B3GALT1: variants seen among roughly 807,000 people sequenced by gnomAD.
The protein encoded by B3GALT1 is UDP-Gal:betaGlcNAc beta 1,3-galactosyltransferase, polypeptide 1.
B3GALT1 carries 10 observed loss-of-function variants against 23.2 expected under a neutral mutation model. The ratio of observed to expected loss-of-function variants is 0.43; its 90% CI spans 0.27 to 0.73. The LOEUF is 0.73. B3GALT1 is among the 30% of genes least tolerant of loss of function. The pLI is 0.21. For missense variants in B3GALT1, 299 were observed against 405.4 expected (o/e 0.74, Z 2.25); for synonymous variants, 156 against 141.5 (o/e 1.10, Z -0.73).
intron 3 of B3GALT1, among the ~76,000 whole-genome samples, chr2:167,742,683 AG>A (rs770239843): frequency 6.6e-6 from 1 of 152,162 alleles, no homozygotes; most frequent in Non-Finnish European, 1.5e-5. Context: ...TTTAAGTATG[AG>A]CACAGAAATG....
chr2:167,756,169 C>G (rs568627390), intron 3 of B3GALT1, among the ~76,000 whole-genome samples: 2 of 152,092 alleles, frequency 1.3e-5, no homozygotes, highest in East Asian at 3.9e-4. Flanking sequence ...CCCATTCCCA[C>G]CCCGCCCCCC....
intron 3 of B3GALT1, among the ~76,000 whole-genome samples, chr2:167,654,562 C>T (rs967808631): frequency 1.3e-5 from 2 of 152,106 alleles, no homozygotes; most frequent in African/African-American, 4.8e-5. Flanking sequence ...TACAGTTGCT[C>T]AATCATAGCT....
intron 1 of B3GALT1, among the ~76,000 whole-genome samples, chr2:167,375,788 G>C (rs944496699): frequency 6.6e-6 from 1 of 152,058 alleles, no homozygotes; most frequent in Non-Finnish European, 1.5e-5. Context: ...TTAGCAAAGA[G>C]AGATCAGTTG....
At chr2:167,803,132 G>A (rs998605582) in intron 3 of B3GALT1, among the ~76,000 whole-genome samples, 1 of 141,336 alleles carries the variant, frequency 7.1e-6, no homozygotes, top group Non-Finnish European at 1.5e-5. Context: ...CCCTTGGTTG[G>A]GCTGGGGAAT....
chr2:167,864,757 C>T (rs1690177226), intron 4 of B3GALT1, among the ~76,000 whole-genome samples: 1 of 152,062 alleles, frequency 6.6e-6, no homozygotes, highest in African/African-American at 2.4e-5. Flanking sequence ...TTCTGAGTTT[C>T]CATTCTCTCA....
chr2:167,388,542 GA>G (rs962191269), intron 1 of B3GALT1, among the ~76,000 whole-genome samples: 3 of 152,082 alleles, frequency 2.0e-5, no homozygotes, highest in Non-Finnish European at 2.9e-5. Context: ...ATAAGAGAGT[GA>G]AAACACCTGA....
intron 2 of B3GALT1, among the ~76,000 whole-genome samples, chr2:167,491,223 T>G (rs1699703332): frequency 6.6e-6 from 1 of 152,198 alleles, no homozygotes; most frequent in Non-Finnish European, 1.5e-5. Flanking sequence ...TGCACCTGAC[T>G]CAAAGCCAGA....
chr2:167,861,547 G>A (rs1690099831), intron 4 of B3GALT1, among the ~76,000 whole-genome samples: 1 of 152,122 alleles, frequency 6.6e-6, no homozygotes, highest in African/African-American at 2.4e-5. Context: ...ATCAAAAAAA[G>A]CCAAGCAAAG....
intron 1 of B3GALT1, among the ~76,000 whole-genome samples, chr2:167,358,172 G>T (rs2689828): frequency 0.85 from 128,663 of 152,148 alleles, 55,118 homozygotes; most frequent in East Asian, 0.95. Context: ...AAATGGAGTC[G>T]GAGCCAATTA....
chr2:167,733,648 C>A (rs1687444882), intron 3 of B3GALT1, among the ~76,000 whole-genome samples: 1 of 152,154 alleles, frequency 6.6e-6, no homozygotes, highest in African/African-American at 2.4e-5. Context: ...GCAGCAGAGG[C>A]ACAGAGAGGC....
rs148754154 is a variant in B3GALT1 at position 167,328,025 on chromosome 2, T to C, written c.-511+34691T>C. ...CTGGTGATGTGATGTATTACATTTA[T>C]TGATTTGTGTATTTTGAGCCATTCT... On this transcript the variant is annotated intron_variant, in intron 1 of 4. Transcript: ENST00000392690. Among the ~76,000 whole-genome samples, 219 of 152,370 alleles carry C rather than the reference T, an allele frequency of 1.4e-3. 2 individuals carry two copies. Among genetic ancestry groups the C allele is most frequent in the African/African-American group, 4.9e-3 (204 of 41,596 alleles).
At chr2:167,601,329 G>A (rs1684874397) in intron 2 of B3GALT1, among the ~76,000 whole-genome samples, 1 of 152,152 alleles carries the variant, frequency 6.6e-6, no homozygotes, top group African/African-American at 2.4e-5. Flanking sequence ...TTACAGGCAT[G>A]AGCCACCACG....
intron 3 of B3GALT1, among the ~76,000 whole-genome samples, chr2:167,815,780 C>T (rs1255448133): frequency 6.6e-6 from 1 of 152,098 alleles, no homozygotes; most frequent in African/African-American, 2.4e-5. Context: ...AATTTTTAGA[C>T]CTGGTAAAAT....
At chr2:167,637,362 GT>G (rs781465812) in intron 2 of B3GALT1, among the ~76,000 whole-genome samples, 1 of 151,644 alleles carries the variant, frequency 6.6e-6, no homozygotes, top group Non-Finnish European at 1.5e-5. Context: ...GCCTCTACCT[GT>G]TTTTTTTGTT....
At chr2:167,357,780 A>T (rs576212264) in intron 1 of B3GALT1, among the ~76,000 whole-genome samples, 2 of 152,184 alleles carry the variant, frequency 1.3e-5, no homozygotes, top group African/African-American at 4.8e-5. Flanking sequence ...ACATTTCTTT[A>T]TATCTGTTTG....
At chr2:167,466,983 C>T (rs1699357445) in intron 1 of B3GALT1, among the ~76,000 whole-genome samples, 1 of 151,464 alleles carries the variant, frequency 6.6e-6, no homozygotes, top group African/African-American at 2.4e-5. Context: ...CTGCCTCAGC[C>T]TCCCAGGGTG....
chr2:167,365,291 C>CTT (rs1697568950), intron 1 of B3GALT1, among the ~76,000 whole-genome samples: 1 of 152,130 alleles, frequency 6.6e-6, no homozygotes, highest in Admixed American at 6.5e-5. Context: ...TTATGTTCTT[C>CTT]CTGCCCTTTC....
intron 1 of B3GALT1, among the ~76,000 whole-genome samples, chr2:167,357,181 T>C (rs980404092): frequency 1.1e-4 from 16 of 152,204 alleles, no homozygotes; most frequent in Admixed American, 1.3e-4. Context: ...AATACCATTT[T>C]AGGTATATAT....
At chr2:167,838,827 C>T (rs1689557804) in intron 4 of B3GALT1, among the ~76,000 whole-genome samples, 1 of 152,198 alleles carries the variant, frequency 6.6e-6, no homozygotes, top group Non-Finnish European at 1.5e-5. Context: ...AGCTTATCCA[C>T]CATGATCAAG....
Sources: gnomAD v4.1 joint callset for allele counts (sites outside exome capture counted in the v4.1 genomes callset) on GRCh38, gnomAD v4.1.1 for gene constraint, MANE v1.5 for transcripts, NCBI Gene and HGNC (gene_info 2026-07-23, HGNC 2026-07-21) for gene names.